The following RNF24 variants were observed in gnomAD, a reference collection of about 807,000 sequenced individuals.
The protein encoded by RNF24 is ring finger protein 24.
In RNF24, 14 loss-of-function variants were observed where a neutral mutation model predicts 20.0. The observed-to-expected ratio is 0.70, with a 90% CI of 0.46 to 1.10. The LOEUF is 1.10. Among genes scored for constraint, RNF24 ranks in the 50% least tolerant of loss-of-function variants. The pLI is 0.00. For synonymous variants in RNF24, 45 were observed against 61.1 expected, an observed-to-expected ratio of 0.74 and a Z score of 1.23; for missense variants, 124 against 177.6, an observed-to-expected ratio of 0.70 and a Z score of 1.71.
Position 3,948,250 on chromosome 20 carries a change from TAA to T in RNF24, c.171_172del (p.Phe57LeufsTer19). ...TAAATTTCTCACCTGTTTGTAGGCA[TAA>T]AATTCTTTGTGTGCTTGATGTCTTA... On this transcript the variant is annotated frameshift_variant, in exon 3 of 6. Coordinates refer to ENST00000358395, the MANE Select transcript of RNF24 (RefSeq NM_001134337.3). LOFTEE classifies it high-confidence loss of function. 1 of 1,589,848 alleles carries T rather than the reference TAA, an allele frequency of 6.3e-7. No homozygotes were observed. The highest frequency in any genetic ancestry group is 8.5e-7 in the Non-Finnish European group (1 of 1,172,308).
intron 1 of RNF24, among the ~76,000 whole-genome samples, chr20:4,009,348 T>C (rs547618449): frequency 1.3e-5 from 2 of 152,126 alleles, no homozygotes; most frequent in Non-Finnish European, 2.9e-5. Context: ...ACGGCATATG[T>C]GTATGCTGAC....
intron 2 of RNF24, among the ~76,000 whole-genome samples, chr20:3,959,311 T>C (rs1327688759): frequency 1.3e-5 from 2 of 152,234 alleles, no homozygotes; most frequent in African/African-American, 4.8e-5. Flanking sequence ...AAACCCCTTC[T>C]GTCCTTAATG....
chr20:3,974,237 T>C, intron 1 of RNF24: 1 of 1,272,194 alleles, frequency 7.9e-7, no homozygotes, highest in Admixed American at 2.4e-5. Flanking sequence ...TTAAAAAGCA[T>C]CTACAAAAAA....
At chr20:3,994,996 A>G (rs745420818) in intron 1 of RNF24, among the ~76,000 whole-genome samples, 12 of 152,250 alleles carry the variant, frequency 7.9e-5, no homozygotes, top group Non-Finnish European at 1.5e-5. Flanking sequence ...AGAGAAAACA[A>G]TGTCACTGAT....
At chr20:3,945,763 C>T (rs2091009246) in intron 3 of RNF24, among the ~76,000 whole-genome samples, 1 of 150,638 alleles carries the variant, frequency 6.6e-6, no homozygotes, top group African/African-American at 2.4e-5. Flanking sequence ...AAAGTTTTGA[C>T]TCCGTGGTGA....
intron 1 of RNF24, among the ~76,000 whole-genome samples, chr20:3,994,815 C>G (rs1325076759): frequency 6.6e-6 from 1 of 152,236 alleles, no homozygotes; most frequent in East Asian, 1.9e-4. Flanking sequence ...TATTAGAATT[C>G]CTACAGGAGT....
At chr20:4,001,496 A>G (rs1981385199) in intron 1 of RNF24, among the ~76,000 whole-genome samples, 1 of 152,216 alleles carries the variant, frequency 6.6e-6, no homozygotes, top group African/African-American at 2.4e-5. Flanking sequence ...AGGCACATAA[A>G]ATAGTTATTG....
intron 1 of RNF24, among the ~76,000 whole-genome samples, chr20:3,993,926 T>C (rs1980659887): frequency 6.6e-6 from 1 of 152,188 alleles, no homozygotes; most frequent in Non-Finnish European, 1.5e-5. Context: ...AAATCTTACC[T>C]AAGGATAGCA....
At chr20:4,000,352 T>C (rs1981289112) in intron 1 of RNF24, among the ~76,000 whole-genome samples, 1 of 152,028 alleles carries the variant, frequency 6.6e-6, no homozygotes. Context: ...GGTGAAACCC[T>C]GTCTCTACTA....
intron 1 of RNF24, among the ~76,000 whole-genome samples, chr20:3,989,636 T>G (rs1024941496): frequency 6.6e-6 from 1 of 152,254 alleles, no homozygotes; most frequent in Non-Finnish European, 1.5e-5. Flanking sequence ...TGACTGTATT[T>G]TCCTGCTGTT....
chr20:4,008,370 T>TATATAA lies in RNF24; in HGVS notation c.-8+7066_-8+7067insTTATAT, dbSNP rs548795641. On this transcript the variant is annotated intron_variant, in intron 1 of 5. Transcript: ENST00000358395. The stretch of plus-strand genomic sequence containing the variant: ...ACATGTAATATGTATAATATATATA[T>TATATAA]TATATATATAATATATATATTATAT... Among the ~76,000 whole-genome samples, 54 of 35,326 alleles carry TATATAA rather than the reference T, an allele frequency of 1.5e-3. 3 individuals carry two copies. Among genetic ancestry groups the TATATAA allele is most frequent in the East Asian group, 2.7e-3 (6 of 2,246 alleles). 23.2% of individuals were successfully genotyped at this position (35,326 alleles called of 152,430 possible). A position where few individuals can be genotyped will look rare whatever the true frequency, so the allele number is the denominator to read the frequency against.
At chr20:3,990,151 T>TA (rs1348072293) in intron 1 of RNF24, among the ~76,000 whole-genome samples, 3 of 152,062 alleles carry the variant, frequency 2.0e-5, no homozygotes, top group African/African-American at 7.2e-5. Context: ...GGTTTAAATA[T>TA]AAAAAATGAA....
chr20:4,014,024 C>A (rs776919936), intron 1 of RNF24, among the ~76,000 whole-genome samples: 15 of 152,234 alleles, frequency 9.9e-5, no homozygotes, highest in Non-Finnish European at 2.1e-4. Flanking sequence ...ACTTTACCAA[C>A]ACAACAAAGT....
At chr20:4,003,265 G>A (rs573705342) in intron 1 of RNF24, among the ~76,000 whole-genome samples, 7 of 152,268 alleles carry the variant, frequency 4.6e-5, no homozygotes, top group Admixed American at 2.6e-4. Flanking sequence ...CACCACGCCC[G>A]GCCCAGAATT....
chr20:3,957,633 TG>T (rs1291327652), intron 2 of RNF24, among the ~76,000 whole-genome samples: 1 of 152,094 alleles, frequency 6.6e-6, no homozygotes, highest in Non-Finnish European at 1.5e-5. Context: ...TGGATCAATT[TG>T]TGCTCACCTT....
rs185910584 is a variant in RNF24, at chr20:3,985,377, C to T, written c.-7-21353G>A. Among the ~76,000 whole-genome samples the T allele has an allele frequency of 3.9e-5, 6 of 152,270 alleles. No individual in the cohort carries two copies. In the East Asian group the frequency reaches 1.2e-3, roughly 29 times the overall value. On this transcript the variant is annotated intron_variant, in intron 1 of 5. Transcript: ENST00000358395. ...TAGCTGGGCTTATAGATGTGTGGCA[C>T]CATGCCTCACATTTAATCTACTTAT...
chr20:3,993,357 A>G (rs1980608583), intron 1 of RNF24, among the ~76,000 whole-genome samples: 1 of 151,814 alleles, frequency 6.6e-6, no homozygotes. Context: ...GCCCGATCTC[A>G]GCTCACTGCA....
At chr20:3,991,309 T>C (rs1049191898) in intron 1 of RNF24, among the ~76,000 whole-genome samples, 2 of 142,916 alleles carry the variant, frequency 1.4e-5, no homozygotes, top group Non-Finnish European at 3.0e-5. Flanking sequence ...TGGAATGCAG[T>C]GGTGCCATCT....
chr20:3,981,792 C>A (rs1480189230), intron 1 of RNF24, among the ~76,000 whole-genome samples: 1 of 152,122 alleles, frequency 6.6e-6, no homozygotes, highest in Admixed American at 6.5e-5. Context: ...GCTATTCTTA[C>A]ATAATCTTTT....
Sources: gnomAD v4.1 joint callset for allele counts (sites outside exome capture counted in the v4.1 genomes callset) on GRCh38, gnomAD v4.1.1 for gene constraint, MANE v1.5 for transcripts, NCBI Gene and HGNC (gene_info 2026-07-23, HGNC 2026-07-21) for gene names.